The following PTPRN2 variants were observed in gnomAD, a reference collection of about 807,000 sequenced individuals.
PTPRN2 encodes receptor-type tyrosine-protein phosphatase N2.
In PTPRN2, 74 loss-of-function variants were observed where a neutral mutation model predicts 118.8. That is an observed-to-expected ratio of 0.62 (90% CI 0.52 to 0.76). PTPRN2 has a LOEUF of 0.76. Ranked by LOEUF, PTPRN2 falls within the 30% of genes least tolerant of loss-of-function variation. PTPRN2 has a pLI of 0.00. For synonymous variants in PTPRN2, 641 were observed against 608.0 expected, an observed-to-expected ratio of 1.05 and a Z score of -0.80; for missense variants, 1,481 against 1,394.4, an observed-to-expected ratio of 1.06 and a Z score of -0.99.
At chr7:158,287,922 C>T (rs1799868688) in intron 3 of PTPRN2, among the ~76,000 whole-genome samples, 1 of 152,088 alleles carries the variant, frequency 6.6e-6, no homozygotes, top group South Asian at 2.1e-4. Context: ...TTGAAGTCCC[C>T]TACTGCTACA....
intron 3 of PTPRN2, among the ~76,000 whole-genome samples, chr7:158,276,808 A>T (rs905447215): frequency 2.0e-5 from 3 of 152,140 alleles, no homozygotes; most frequent in African/African-American, 7.2e-5. Flanking sequence ...CTGGCAGGAT[A>T]TGCCTCCCCA....
At chr7:158,277,085 CA>C (rs1799060448) in intron 3 of PTPRN2, among the ~76,000 whole-genome samples, 1 of 152,204 alleles carries the variant, frequency 6.6e-6, no homozygotes, top group African/African-American at 2.4e-5. Context: ...GCCCCTTCGT[CA>C]GAAGCCATCC....
At chr7:158,524,472 TCTGCCCTGGAGC>T (rs1824610466) in intron 1 of PTPRN2, among the ~76,000 whole-genome samples, 2 of 113,014 alleles carry the variant, frequency 1.8e-5, no homozygotes, top group Non-Finnish European at 3.5e-5. Context: ...TGGAGCGGAG[TCTGCCCTGGAGC>T]GGAGTCTGCC....
chr7:158,248,711 AC>A (rs1796421163), intron 3 of PTPRN2, among the ~76,000 whole-genome samples: 1 of 151,312 alleles, frequency 6.6e-6, no homozygotes. Context: ...CACGCCACAC[AC>A]ATGCACCCAC....
rs111547143 is a variant in PTPRN2, at chr7:157,903,410, A to G, written c.1724-4673T>C. ...TGCCCAGGTCACAAGTGTACCCCAA[A>G]CCTCAGCACCACCAGTATACCCAGG... On this transcript the variant is annotated intron_variant, in intron 11 of 22. Transcript: ENST00000389418. The surrounding 1 kb of genome is among the most constrained non-coding windows in gnomAD (Gnocchi z 4.2). Among the ~76,000 whole-genome samples the G allele has an allele frequency of 0.015, 2,352 of 152,024 alleles. 55 individuals are homozygous for G. The highest frequency in any genetic ancestry group is 0.054 in the African/African-American group (2,248 of 41,464).
intron 11 of PTPRN2, among the ~76,000 whole-genome samples, chr7:157,900,455 T>C (rs1419214713): frequency 6.6e-6 from 1 of 152,228 alleles, no homozygotes. Flanking sequence ...CTGTCCATCC[T>C]TGACCTCAAC....
chr7:157,595,204 T>C, intron 17 of PTPRN2, 34 bp downstream of exon 17: 3 of 1,601,034 alleles, frequency 1.9e-6, no homozygotes, highest in Non-Finnish European at 2.6e-6. Context: ...GATCTTCTTT[T>C]CAGAAAGAGA....
At chr7:157,852,863 CAAA>C (rs58298308) in intron 12 of PTPRN2, among the ~76,000 whole-genome samples, 5 of 102,654 alleles carry the variant, frequency 4.9e-5, no homozygotes, top group Admixed American at 2.3e-4. Flanking sequence ...GCAAGTCTCT[CAAA>C]AAAAAAAAAA....
At chr7:158,390,238 T>G (rs1281714796) in intron 2 of PTPRN2, among the ~76,000 whole-genome samples, 1 of 151,734 alleles carries the variant, frequency 6.6e-6, no homozygotes, top group Admixed American at 6.6e-5. Flanking sequence ...GTCACACAGC[T>G]CAGTGGCTGC....
At chr7:158,155,784 C>CCATCATCAATACCAT (rs1821763632) in intron 6 of PTPRN2, among the ~76,000 whole-genome samples, 1 of 148,434 alleles carries the variant, frequency 6.7e-6, no homozygotes, top group Admixed American at 6.7e-5. Flanking sequence ...ACTATCATTA[C>CCATCATCAATACCAT]CATCATCAAC....
intron 11 of PTPRN2, among the ~76,000 whole-genome samples, chr7:157,966,923 A>G (rs1363691269): frequency 2.6e-5 from 4 of 152,214 alleles, no homozygotes; most frequent in Non-Finnish European, 5.9e-5. Flanking sequence ...TCTCATCATC[A>G]TTTTTAAAAA....
At chr7:158,412,400 G>A (rs1404328549) in intron 2 of PTPRN2, among the ~76,000 whole-genome samples, 1 of 99,598 alleles carries the variant, frequency 1.0e-5, no homozygotes, top group Non-Finnish European at 2.0e-5. Context: ...GGCCCATCCA[G>A]CGCCCTCCTC....
intron 22 of PTPRN2, 105 bp from the exon 23 acceptor site, chr7:157,540,890 C>T (rs201712768): frequency 9.1e-6 from 8 of 883,816 alleles, no homozygotes; most frequent in African/African-American, 1.7e-5. Flanking sequence ...CCCTTCCCAA[C>T]GCAGCATCAG....
chr7:158,504,002 A>C (rs1822567413), intron 1 of PTPRN2, among the ~76,000 whole-genome samples: 1 of 151,296 alleles, frequency 6.6e-6, no homozygotes, highest in Non-Finnish European at 1.5e-5. Flanking sequence ...AAAAAAATGG[A>C]AAAAAAATTA....
chr7:158,551,516 T>C (rs1826651381), intron 1 of PTPRN2, among the ~76,000 whole-genome samples: 1 of 133,522 alleles, frequency 7.5e-6, no homozygotes, highest in African/African-American at 2.8e-5. Context: ...CCTAACCCAT[T>C]GCATCTGGAG....
intron 2 of PTPRN2, among the ~76,000 whole-genome samples, chr7:158,341,630 G>C (rs1361707986): frequency 2.7e-5 from 1 of 36,712 alleles, no homozygotes; most frequent in Non-Finnish European, 5.6e-5. Flanking sequence ...CACCATAAGA[G>C]GTAACACATG....
chr7:158,071,749 TGGTGGA>T (rs1811831779), intron 11 of PTPRN2, among the ~76,000 whole-genome samples: 1 of 137,916 alleles, frequency 7.3e-6, no homozygotes, highest in African/African-American at 2.9e-5. Flanking sequence ...GAGGTGCTCA[TGGTGGA>T]GGTGCTCGTG....
chr7:157,559,662 C>T (rs1300034785), intron 21 of PTPRN2, among the ~76,000 whole-genome samples: 1 of 152,174 alleles, frequency 6.6e-6, no homozygotes, highest in East Asian at 1.9e-4. Flanking sequence ...GCAGGCCGGG[C>T]CAGCCTGGAC....
Position 157,590,624 on chromosome 7 carries a change from G to A in PTPRN2, c.2496+4614C>T, listed in dbSNP as rs1456107654. 2.0e-5 allele frequency among the ~76,000 whole-genome samples: 3 copies of A among 152,194 alleles called. No individual in the cohort carries two copies. Among genetic ancestry groups the A allele is most frequent in the Non-Finnish European group, 2.9e-5 (2 of 68,034 alleles). ...TGGGCTCTGCTCAGGGACGCAGCAC[G>A]GACAGAGGTGCTGTGGGCCCTGCGG... On this transcript the variant is annotated intron_variant, in intron 17 of 22. Transcript: ENST00000389418. The surrounding 1 kb of genome is among the most constrained non-coding windows in gnomAD (Gnocchi z 4.0).
Sources: gnomAD v4.1 joint callset for allele counts (sites outside exome capture counted in the v4.1 genomes callset) on GRCh38, gnomAD v4.1.1 for gene constraint, Gnocchi (gnomAD v3.1) non-coding constraint, MANE v1.5 for transcripts, NCBI Gene and HGNC (gene_info 2026-07-23, HGNC 2026-07-21) for gene names.